THSD7A: variants seen among roughly 807,000 people sequenced by gnomAD.
THSD7A encodes thrombospondin type 1 domain containing 7A.
Under a neutral mutation model 231.3 loss-of-function variants are expected in THSD7A, and 96 were observed. The ratio of observed to expected loss-of-function variants is 0.41; its 90% CI spans 0.35 to 0.49. The LOEUF (loss-of-function observed/expected upper bound fraction) is 0.49. THSD7A is among the 20% of genes least tolerant of loss of function. The pLI is 0.05. For synonymous variants in THSD7A, 940 were observed against 743.3 expected (o/e 1.26, Z -4.30); for missense variants, 2,290 against 2,070.2 (o/e 1.11, Z -2.06).
At chr7:11,502,498 T>C (rs1214304744) in intron 6 of THSD7A, among the ~76,000 whole-genome samples, 1 of 152,204 alleles carries the variant, frequency 6.6e-6, no homozygotes, top group African/African-American at 2.4e-5. Flanking sequence ...AATCAATAAA[T>C]GTGATTCATC....
chr7:11,400,704 A>G (rs552913688), intron 23 of THSD7A, among the ~76,000 whole-genome samples: 3 of 152,320 alleles, frequency 2.0e-5, no homozygotes, highest in African/African-American at 7.2e-5. Context: ...ATTCCATCTA[A>G]TTCTTGGGCT....
At chr7:11,544,904 G>C (rs28479588) in intron 4 of THSD7A, among the ~76,000 whole-genome samples, 18 of 149,336 alleles carry the variant, frequency 1.2e-4, no homozygotes. Flanking sequence ...ATTCTCACTC[G>C]AGTTCAACAG....
intron 14 of THSD7A, among the ~76,000 whole-genome samples, chr7:11,428,231 G>T (rs910927979): frequency 6.6e-6 from 1 of 152,058 alleles, no homozygotes; most frequent in Non-Finnish European, 1.5e-5. Flanking sequence ...ATTATTCTTT[G>T]CTAATTCACT....
chr7:11,705,260 G>C (rs1780727602), intron 1 of THSD7A, among the ~76,000 whole-genome samples: 1 of 150,978 alleles, frequency 6.6e-6, no homozygotes, highest in East Asian at 2.0e-4. Flanking sequence ...TGCTTAAAGA[G>C]AGTCCCAGAA....
intron 2 of THSD7A, among the ~76,000 whole-genome samples, chr7:11,604,101 G>A (rs1780655408): frequency 6.6e-6 from 1 of 151,734 alleles, no homozygotes; most frequent in African/African-American, 2.4e-5. Flanking sequence ...ACATATATTA[G>A]TGCTTACTAT....
At chr7:11,614,432 G>A (rs1239292024) in intron 2 of THSD7A, among the ~76,000 whole-genome samples, 1 of 152,142 alleles carries the variant, frequency 6.6e-6, no homozygotes, top group Non-Finnish European at 1.5e-5. Flanking sequence ...GGTGATTGGT[G>A]GTGATCATCA....
intron 4 of THSD7A, among the ~76,000 whole-genome samples, chr7:11,570,503 C>T (rs950258315): frequency 6.6e-6 from 1 of 152,132 alleles, no homozygotes; most frequent in African/African-American, 2.4e-5. Flanking sequence ...ACGTTCCCAA[C>T]ACAAAGAAAT....
At chr7:11,787,264 A>G (rs1007257427) in intron 1 of THSD7A, among the ~76,000 whole-genome samples, 1 of 139,062 alleles carries the variant, frequency 7.2e-6, no homozygotes, top group Non-Finnish European at 1.5e-5. Context: ...AATTAACTCA[A>G]AATGGACCAC....
intron 1 of THSD7A, among the ~76,000 whole-genome samples, chr7:11,661,434 A>T (rs1003663207): frequency 4.0e-4 from 61 of 151,330 alleles, no homozygotes; most frequent in African/African-American, 1.5e-3. Flanking sequence ...ATTGTTTTCC[A>T]GAAAAATGGT....
intron 4 of THSD7A, among the ~76,000 whole-genome samples, chr7:11,571,081 C>G (rs1441052730): frequency 6.6e-6 from 1 of 152,104 alleles, no homozygotes; most frequent in African/African-American, 2.4e-5. Flanking sequence ...ATGGGCTCAG[C>G]TGCATTTTAG....
At chr7:11,470,964 A>T (rs940852259) in intron 8 of THSD7A, among the ~76,000 whole-genome samples, 18 of 151,938 alleles carry the variant, frequency 1.2e-4, no homozygotes, top group Non-Finnish European at 1.5e-5. Context: ...TATACTTAGT[A>T]TATAATTTTT....
intron 6 of THSD7A, among the ~76,000 whole-genome samples, chr7:11,497,864 G>C (rs984734859): frequency 6.6e-6 from 1 of 152,140 alleles, no homozygotes; most frequent in Admixed American, 6.5e-5. Flanking sequence ...CATGGAGCCA[G>C]GGGACCATCC....
intron 6 of THSD7A, among the ~76,000 whole-genome samples, chr7:11,487,727 G>GA (rs1420748217): frequency 1.3e-5 from 2 of 151,884 alleles, no homozygotes; most frequent in Non-Finnish European, 2.9e-5. Context: ...AACTCCCATT[G>GA]AAAAAAACTA....
intron 2 of THSD7A, among the ~76,000 whole-genome samples, chr7:11,627,257 T>A (rs554564567): frequency 1.7e-3 from 251 of 152,076 alleles, no homozygotes; most frequent in African/African-American, 5.7e-3. Flanking sequence ...ATAAAAAAAA[T>A]TAAATAAAAA....
At chr7:11,726,671 T>C (rs569368614) in intron 1 of THSD7A, among the ~76,000 whole-genome samples, 1 of 152,126 alleles carries the variant, frequency 6.6e-6, no homozygotes, top group South Asian at 2.1e-4. Flanking sequence ...CAAGGAGAAA[T>C]GCAATTTGGG....
intron 24 of THSD7A, 150 bp downstream of exon 24, chr7:11,382,371 C>A (rs936639090): frequency 3.6e-6 from 2 of 559,472 alleles, no homozygotes; most frequent in East Asian, 2.9e-5. Flanking sequence ...CATTGGTCAC[C>A]AGATGGGTAT....
intron 1 of THSD7A, among the ~76,000 whole-genome samples, chr7:11,735,907 C>A (rs914485953): frequency 1.3e-5 from 2 of 151,606 alleles, no homozygotes; most frequent in African/African-American, 2.4e-5. Context: ...AATATATGAC[C>A]AGAAAAATGA....
chr7:11,415,272 G>C (rs983896518), intron 17 of THSD7A, among the ~76,000 whole-genome samples: 7 of 152,244 alleles, frequency 4.6e-5, no homozygotes, highest in African/African-American at 1.7e-4. Context: ...CAAATGAATA[G>C]CTATTGCTAG....
At chr7:11,537,640 C>T (rs934979948) in intron 6 of THSD7A, among the ~76,000 whole-genome samples, 1 of 142,330 alleles carries the variant, frequency 7.0e-6, no homozygotes, top group African/African-American at 2.7e-5. Flanking sequence ...CAGCGCCATG[C>T]TTCCTGTACA....
Sources: allele counts gnomAD v4.1 joint callset (sites outside exome capture counted in the v4.1 genomes callset), GRCh38; gene constraint gnomAD v4.1.1; transcripts MANE v1.5; gene names NCBI Gene and HGNC (gene_info 2026-07-23, HGNC 2026-07-21).